The following PITPNC1 variants were observed in gnomAD, a reference collection of about 807,000 sequenced individuals.
The protein encoded by PITPNC1 is cytoplasmic phosphatidylinositol transfer protein 1.
A neutral mutation model predicts 44.7 loss-of-function variants in PITPNC1; 18 were observed. The ratio of observed to expected loss-of-function variants is 0.40; its 90% CI spans 0.28 to 0.60. PITPNC1 has a LOEUF of 0.60. PITPNC1 is among the 20% of genes least tolerant of loss of function. The pLI, the probability that PITPNC1 is intolerant of heterozygous loss-of-function variation, is 0.39. For synonymous variants in PITPNC1, 141 were observed against 149.6 expected, an observed-to-expected ratio of 0.94 and a Z score of 0.42; for missense variants, 290 against 418.4, an observed-to-expected ratio of 0.69 and a Z score of 2.68.
intron 1 of PITPNC1, among the ~76,000 whole-genome samples, chr17:67,438,025 G>A (rs552171512): frequency 6.6e-6 from 1 of 150,958 alleles, no homozygotes; most frequent in South Asian, 2.1e-4. Context: ...CGGAGATCTC[G>A]ACACTGCACT....
At chr17:67,406,560 T>G (rs1236184506) in intron 1 of PITPNC1, among the ~76,000 whole-genome samples, 1 of 151,526 alleles carries the variant, frequency 6.6e-6, no homozygotes, top group African/African-American at 2.4e-5. Context: ...TCATTCCTTT[T>G]CATGGCTTAA....
At chr17:67,406,920 A>G (rs1294146097) in intron 1 of PITPNC1, among the ~76,000 whole-genome samples, 3 of 152,216 alleles carry the variant, frequency 2.0e-5, no homozygotes, top group Non-Finnish European at 4.4e-5. Flanking sequence ...GTATGGATAT[A>G]CATATATATT....
Position 67,597,688 on chromosome 17 carries a change from G to A in PITPNC1, c.366+19431G>A, listed in dbSNP as rs375303213. Among the ~76,000 whole-genome samples the A allele has an allele frequency of 9.9e-5, 15 of 152,238 alleles. No individual in the cohort carries two copies. The South Asian group carries it at 2.3e-3, about 23-fold the overall frequency. On this transcript the variant is annotated intron_variant, in intron 5 of 8. Transcript: ENST00000581322. The surrounding 1 kb of genome is among the most constrained non-coding windows in gnomAD (Gnocchi z 4.0). ...GCTTTTAATGGTGCCTTAATTCATCGTACAAGAAACATTTGTTAAACATCT... is the reference window on the plus strand; with the variant it reads ...GCTTTTAATGGTGCCTTAATTCATCATACAAGAAACATTTGTTAAACATCT...
chr17:67,429,943 A>T (rs1055085768), intron 1 of PITPNC1, among the ~76,000 whole-genome samples: 1 of 152,234 alleles, frequency 6.6e-6, no homozygotes, highest in Non-Finnish European at 1.5e-5. Flanking sequence ...CCATTTGGCA[A>T]TGAACCTGTG....
chr17:67,648,739 C>T (rs1287294169), intron 6 of PITPNC1, among the ~76,000 whole-genome samples: 3 of 152,106 alleles, frequency 2.0e-5, no homozygotes, highest in African/African-American at 7.2e-5. Flanking sequence ...TTCCCTAGGC[C>T]CTATGTGGAG....
intron 4 of PITPNC1, among the ~76,000 whole-genome samples, chr17:67,569,437 C>T (rs1267893590): frequency 2.0e-5 from 3 of 152,184 alleles, no homozygotes; most frequent in African/African-American, 4.8e-5. Context: ...TTCTTCTTCC[C>T]CACTGCAGAT....
At chr17:67,670,809 A>G (rs1377672182) in intron 7 of PITPNC1, among the ~76,000 whole-genome samples, 3 of 151,872 alleles carry the variant, frequency 2.0e-5, no homozygotes, top group African/African-American at 7.3e-5. Flanking sequence ...ATAATTGTTA[A>G]CAGCCTCGGG....
intron 1 of PITPNC1, among the ~76,000 whole-genome samples, chr17:67,431,440 T>C (rs1157546527): frequency 6.6e-6 from 1 of 152,150 alleles, no homozygotes; most frequent in Non-Finnish European, 1.5e-5. Context: ...CTGTATACCA[T>C]TATTCATGAT....
intron 1 of PITPNC1, among the ~76,000 whole-genome samples, chr17:67,420,480 T>G (rs892594419): frequency 1.3e-5 from 2 of 150,996 alleles, no homozygotes; most frequent in African/African-American, 4.9e-5. Context: ...GTTGCCAGGC[T>G]GGAGCTCGGT....
intron 1 of PITPNC1, among the ~76,000 whole-genome samples, chr17:67,532,195 G>A (rs896444535): frequency 1.3e-5 from 2 of 152,158 alleles, no homozygotes; most frequent in African/African-American, 2.4e-5. Context: ...GCCTTCAGGG[G>A]CTCAGATTAT....
chr17:67,436,697 G>A (rs2038941269), intron 1 of PITPNC1, among the ~76,000 whole-genome samples: 1 of 152,064 alleles, frequency 6.6e-6, no homozygotes, highest in South Asian at 2.1e-4. Flanking sequence ...TGGCAACAGG[G>A]ATAAAAGTCC....
rs548149262 is a variant in PITPNC1, at chr17:67,413,750, G to A, written c.48+35548G>A. ...CCTGGTTCCAGAACCCCAAATCATT[G>A]ATGTTGCTTCGCAGGCATGCAGACA... On this transcript the variant is annotated intron_variant, in intron 1 of 8. Transcript: ENST00000581322. Among the ~76,000 whole-genome samples, 6 of 152,296 alleles carry A rather than the reference G, an allele frequency of 3.9e-5. 1 individual carries two copies. The South Asian group carries it at 1.2e-3, about 32-fold the overall frequency.
intron 2 of PITPNC1, among the ~76,000 whole-genome samples, chr17:67,534,542 G>A (rs1304648611): frequency 2.6e-5 from 4 of 152,000 alleles, no homozygotes; most frequent in Non-Finnish European, 4.4e-5. Flanking sequence ...GAAGGCTGAG[G>A]TGGGAGGATC....
chr17:67,643,835 G>A (rs2042116635), intron 6 of PITPNC1, among the ~76,000 whole-genome samples: 1 of 152,202 alleles, frequency 6.6e-6, no homozygotes, highest in African/African-American at 2.4e-5. Context: ...CTTTGACCCT[G>A]GCTTCGAGCT....
At chr17:67,592,253 A>T (rs1042422878) in intron 5 of PITPNC1, among the ~76,000 whole-genome samples, 2 of 152,190 alleles carry the variant, frequency 1.3e-5, no homozygotes, top group African/African-American at 4.8e-5. Flanking sequence ...ATGAGTAATA[A>T]TTAGAAAATA....
At chr17:67,384,608 G>A (rs543606167) in intron 1 of PITPNC1, among the ~76,000 whole-genome samples, 8 of 152,050 alleles carry the variant, frequency 5.3e-5, no homozygotes, top group Non-Finnish European at 1.0e-4. Context: ...TGTATTTTTA[G>A]TAGAGACGGG....
chr17:67,417,251 C>G (rs1396210681), intron 1 of PITPNC1, among the ~76,000 whole-genome samples: 1 of 152,144 alleles, frequency 6.6e-6, no homozygotes, highest in Admixed American at 6.5e-5. Flanking sequence ...CCTGCCTCAG[C>G]CTAGTAGCTA....
chr17:67,630,355 C>G (rs181119352), intron 5 of PITPNC1, among the ~76,000 whole-genome samples: 1 of 152,218 alleles, frequency 6.6e-6, no homozygotes, highest in African/African-American at 2.4e-5. Flanking sequence ...TGGTGGCTCA[C>G]GCCTGTAATC....
At chr17:67,623,921 G>C (rs1445239919) in intron 5 of PITPNC1, among the ~76,000 whole-genome samples, 1 of 152,096 alleles carries the variant, frequency 6.6e-6, no homozygotes, top group Admixed American at 6.6e-5. Flanking sequence ...TGAAGCAAGA[G>C]CAATTGCAAA....
Sources: allele counts gnomAD v4.1 joint callset (sites outside exome capture counted in the v4.1 genomes callset), GRCh38; gene constraint gnomAD v4.1.1; non-coding constraint Gnocchi (gnomAD v3.1); transcripts MANE v1.5; gene names NCBI Gene and HGNC (gene_info 2026-07-23, HGNC 2026-07-21).